SVIL: variants seen among roughly 807,000 people sequenced by gnomAD.
The protein encoded by SVIL is archvillin.
SVIL carries 101 observed loss-of-function variants against 240.4 expected under a neutral mutation model. That is an observed-to-expected ratio of 0.42 (90% CI 0.36 to 0.50). SVIL has a LOEUF of 0.50. Among genes scored for constraint, SVIL ranks in the 20% least tolerant of loss-of-function variants. The probability of loss-of-function intolerance (pLI) is 0.01; values close to 1 mark genes in which losing one functional copy is unlikely to be tolerated. For missense variants in SVIL, 2,512 were observed against 2,818.7 expected, an observed-to-expected ratio of 0.89 and a Z score of 2.46; for synonymous variants, 999 against 1,100.0, an observed-to-expected ratio of 0.91 and a Z score of 1.82.
chr10:29,545,813 C>A (rs899121950), intron 6 of SVIL, among the ~76,000 whole-genome samples: 4 of 136,982 alleles, frequency 2.9e-5, no homozygotes, highest in Non-Finnish European at 4.5e-5. Context: ...CAAGATTGCA[C>A]CACTGCACTC....
In SVIL at chr10:29,505,139, A is replaced by G. The variant is rs563044470; in HGVS notation, c.3517-5876T>C. ...GGAGTTTGAGACCAGCCTGGCCAAC[A>G]TGGCGAAACCCCATCTCTACTAAAA... On this transcript the variant is annotated intron_variant, in intron 17 of 37. Transcript: ENST00000355867. Among the ~76,000 whole-genome samples the G allele has an allele frequency of 5.4e-4, 82 of 152,316 alleles. No individual in the cohort carries two copies. The East Asian group carries it at 0.011, about 21-fold the overall frequency.
At chr10:29,683,555 G>T (rs1402449643) in intron 2 of SVIL, among the ~76,000 whole-genome samples, 1 of 152,208 alleles carries the variant, frequency 6.6e-6, no homozygotes, top group Non-Finnish European at 1.5e-5. Flanking sequence ...TTGGCCAAGA[G>T]GAGGGGTTCA....
At chr10:29,727,157 C>T (rs1318202713) in intron 1 of SVIL, among the ~76,000 whole-genome samples, 3 of 152,150 alleles carry the variant, frequency 2.0e-5, no homozygotes, top group South Asian at 2.1e-4. Flanking sequence ...TCTTCAGATG[C>T]TAATAATAAC....
chr10:29,674,484 A>G (rs1011175359), intron 2 of SVIL, among the ~76,000 whole-genome samples: 3 of 152,330 alleles, frequency 2.0e-5, no homozygotes, highest in African/African-American at 7.2e-5. Flanking sequence ...AAAATAAATT[A>G]GCTTAGAAAA....
chr10:29,522,531 C>G lies in SVIL; in HGVS notation c.3268G>C (p.Glu1090Gln). ...TTGCAGAGCTTCTCCTGTGGCTGTT[C>G]CGAAGAATCCTGGGGCTTCCAGGAC... ...PVSWKPQDSSEQPQEKLCKNP... is the reference protein window; with the variant it reads ...PVSWKPQDSSQQPQEKLCKNP... Residue 1090 changes from glutamate to glutamine, a missense_variant, in exon 16 of 38, where the codon GAA becomes CAA. Physicochemically the swap from Glu to Gln is conservative, Grantham distance 29. This residue lies in a region of SVIL where 1,443 missense variants were observed against 1,486.6 expected (regional missense o/e 0.97). Transcript: ENST00000355867. 1 of 1,614,178 alleles carries G rather than the reference C, an allele frequency of 6.2e-7. No individual in the cohort carries two copies. The highest frequency in any genetic ancestry group is 8.5e-7 in the Non-Finnish European group (1 of 1,180,030).
chr10:29,640,383 A>C (rs932078155), intron 3 of SVIL, among the ~76,000 whole-genome samples: 2 of 151,904 alleles, frequency 1.3e-5, no homozygotes, highest in African/African-American at 4.8e-5. Flanking sequence ...CAGTTGTTTC[A>C]CTGAGTGTCC....
chr10:29,683,368 T>C (rs1960812914), intron 2 of SVIL, among the ~76,000 whole-genome samples: 1 of 152,192 alleles, frequency 6.6e-6, no homozygotes, highest in African/African-American at 2.4e-5. Flanking sequence ...AAACTGATTG[T>C]AAAGGTTTCT....
At chr10:29,612,526 T>C (rs1376145524) in intron 1 of SVIL, among the ~76,000 whole-genome samples, 1 of 152,136 alleles carries the variant, frequency 6.6e-6, no homozygotes, top group Non-Finnish European at 1.5e-5. Context: ...TTGGGGGCAG[T>C]GCTGTCCTCC....
At chr10:29,552,022 G>A (rs1054284543) in intron 5 of SVIL, among the ~76,000 whole-genome samples, 1 of 151,884 alleles carries the variant, frequency 6.6e-6, no homozygotes, top group Non-Finnish European at 1.5e-5. Flanking sequence ...GCTGAGGTGG[G>A]CAGATAGCTT....
At chr10:29,498,245 C>T (rs774466495) in intron 18 of SVIL, among the ~76,000 whole-genome samples, 8 of 151,824 alleles carry the variant, frequency 5.3e-5, no homozygotes, top group Non-Finnish European at 8.8e-5. Flanking sequence ...GGTGAAACTC[C>T]GTCTGTATTA....
At position 29,631,041 on chromosome 10, in the gene SVIL, A is replaced by T. The variant is rs531148770; in HGVS notation, c.-201+3379T>A. 9.2e-5 allele frequency among the ~76,000 whole-genome samples: 14 copies of T among 152,264 alleles called. No homozygotes were observed. In the East Asian group the frequency reaches 2.7e-3, roughly 30 times the overall value. On this transcript the variant is annotated intron_variant, in intron 1 of 37. Transcript: ENST00000355867. ...AGAGTACAGGCTGGAGTCGAGGCCC[A>T]GGAGGCCAGAGGCATGTCAGAGGAA...
intron 1 of SVIL, among the ~76,000 whole-genome samples, chr10:29,700,150 C>T (rs1213841320): frequency 6.6e-6 from 1 of 152,164 alleles, no homozygotes; most frequent in South Asian, 2.1e-4. Context: ...TTTGCTGAGA[C>T]AGAAGCTTGG....
intron 1 of SVIL, among the ~76,000 whole-genome samples, chr10:29,599,386 AT>A (rs34936543): frequency 4.7e-5 from 7 of 150,296 alleles, no homozygotes; most frequent in African/African-American, 1.5e-4. Context: ...TTTGCCCTCC[AT>A]TTTTTTTTGT....
At chr10:29,572,116 G>A (rs1376385393) in intron 1 of SVIL, among the ~76,000 whole-genome samples, 2 of 152,124 alleles carry the variant, frequency 1.3e-5, no homozygotes, top group East Asian at 1.9e-4. Context: ...CAAACCAGGT[G>A]GACTTAGACT....
At chr10:29,532,406 T>C (rs997802609) in intron 8 of SVIL, 123 bp downstream of exon 8, 3 of 1,438,616 alleles carry the variant, frequency 2.1e-6, no homozygotes, top group African/African-American at 2.9e-5. Flanking sequence ...ATAGTCGCCC[T>C]GCACGCACTT....
At chr10:29,583,894 A>G (rs1352402424) in intron 1 of SVIL, among the ~76,000 whole-genome samples, 3 of 152,216 alleles carry the variant, frequency 2.0e-5, no homozygotes, top group Non-Finnish European at 2.9e-5. Flanking sequence ...AGCAAAGGAT[A>G]TCAAACTTGG....
chr10:29,618,473 C>G (rs1000721081), intron 1 of SVIL, among the ~76,000 whole-genome samples: 2 of 152,160 alleles, frequency 1.3e-5, no homozygotes, highest in African/African-American at 4.8e-5. Flanking sequence ...AAAGTCAAAG[C>G]ATGTTCAGAC....
At chr10:29,670,099 G>A (rs563781894) in intron 2 of SVIL, among the ~76,000 whole-genome samples, 1 of 151,556 alleles carries the variant, frequency 6.6e-6, no homozygotes, top group South Asian at 2.1e-4. Context: ...TGGGAGACAG[G>A]GTGAGACTCC....
chr10:29,592,352 C>T (rs571326665), intron 1 of SVIL, among the ~76,000 whole-genome samples: 1 of 152,284 alleles, frequency 6.6e-6, no homozygotes, highest in South Asian at 2.1e-4. Context: ...CAACATGTTA[C>T]CTATTTCCGA....
Sources: allele counts gnomAD v4.1 joint callset (sites outside exome capture counted in the v4.1 genomes callset), GRCh38; gene constraint gnomAD v4.1.1; regional missense constraint gnomAD v4.1.1; transcripts MANE v1.5; gene names NCBI Gene and HGNC (gene_info 2026-07-23, HGNC 2026-07-21).